The following CSF2RB variants were observed in gnomAD, a reference collection of about 807,000 sequenced individuals.
CSF2RB encodes the protein colony stimulating factor 2 receptor subunit beta.
A neutral mutation model predicts 67.2 loss-of-function variants in CSF2RB; 22 were observed. That is an observed-to-expected ratio of 0.33 (90% CI 0.23 to 0.47). CSF2RB has a LOEUF of 0.47. Ranked by LOEUF, CSF2RB falls within the 20% of genes least tolerant of loss-of-function variation. The pLI is 1.00. For synonymous variants in CSF2RB, 507 were observed against 482.9 expected, an observed-to-expected ratio of 1.05 and a Z score of -0.65; for missense variants, 1,113 against 1,174.5, an observed-to-expected ratio of 0.95 and a Z score of 0.76.
intron 3 of CSF2RB, chr22:36,923,879 G>T: frequency 1.0e-6 from 1 of 980,078 alleles, no homozygotes; most frequent in Non-Finnish European, 1.4e-6. Context: ...GGACGTGTCT[G>T]GGAGGGGGCT....
intron 9 of CSF2RB, 28 bp from the exon 10 acceptor site, chr22:36,933,804 A>C: frequency 6.3e-7 from 1 of 1,595,476 alleles, no homozygotes; most frequent in African/African-American, 1.3e-5. Flanking sequence ...GCACCGGGCC[A>C]GGCCTCACCC....
At position 36,937,582 on chromosome 22, in the gene CSF2RB, C is replaced by T. The variant is rs1473336606; in HGVS notation, c.1774C>T (p.Pro592Ser). ...GGCTTCCAGCTTTGACTTCAATGGG[C>T]CCTACCTGGGGCCGCCCCACAGCCG... ...KQASSFDFNG[P>S]YLGPPHSRSL... The change falls in exon 14 of 14, where the codon CCC becomes TCC. Residue 592 changes from proline (P) to serine (S), a missense_variant. By Grantham distance (74) the Pro-to-Ser change is moderately conservative (BLOSUM62 -1). Transcript: ENST00000403662. This position sits in a 1 kb window ranked among gnomAD's most constrained non-coding sequence, Gnocchi z 4.6. 6.2e-7 allele frequency: 1 copy of T among 1,605,332 alleles called. No homozygotes were observed. Among genetic ancestry groups the T allele is most frequent in the African/African-American group, 1.3e-5 (1 of 74,738 alleles).
At chr22:36,930,128 A>G (rs1941116385) in intron 6 of CSF2RB, among the ~76,000 whole-genome samples, 1 of 152,190 alleles carries the variant, frequency 6.6e-6, no homozygotes, top group Non-Finnish European at 1.5e-5. Context: ...TTTTCAGTTC[A>G]ATCCCCAAAC....
chr22:36,919,942 G>A (rs922019269), intron 1 of CSF2RB, among the ~76,000 whole-genome samples: 9 of 152,158 alleles, frequency 5.9e-5, no homozygotes, highest in South Asian at 2.1e-4. Context: ...TGACATTTGG[G>A]AAACTGAATC....
chr22:36,928,542 TTTTCG>T (rs745812241), intron 4 of CSF2RB, among the ~76,000 whole-genome samples: 99 of 152,232 alleles, frequency 6.5e-4, no homozygotes, highest in Admixed American at 2.4e-3. Context: ...TGTGAGGATG[TTTTCG>T]TTTGAAAGCC....
intron 3 of CSF2RB, chr22:36,923,731 T>A (rs1428401868): frequency 1.5e-6 from 2 of 1,307,026 alleles, no homozygotes; most frequent in Non-Finnish European, 2.0e-6. Flanking sequence ...AAGCCCCAGC[T>A]GTGCCACTGC....
intron 1 of CSF2RB, among the ~76,000 whole-genome samples, chr22:36,919,032 A>G (rs901134882): frequency 1.3e-5 from 2 of 152,194 alleles, no homozygotes; most frequent in African/African-American, 4.8e-5. Context: ...GACATACACA[A>G]TGTTTCTATT....
rs376449769 is a variant in CSF2RB, at chr22:36,923,267, C to T, written c.100C>T (p.Arg34Cys). The T allele has an allele frequency of 2.0e-5, 32 of 1,614,042 alleles. No individual in the cohort carries two copies. Among genetic ancestry groups the T allele is most frequent in the African/African-American group, 8.0e-5 (6 of 74,924 alleles). ...AEETIPLQTL[R>C]CYNDYTSHIT... ...AGAAACCATCCCGCTGCAGACCCTG[C>T]GCTGCTACAACGACTACACCAGCCA... Residue 34 changes from arginine (R) to cysteine (C), a missense_variant, in exon 3 of 14, where the codon CGC (arginine) becomes TGC (cysteine). By Grantham distance (180) the Arg-to-Cys change is radical (BLOSUM62 -3). Transcript: ENST00000403662.
At chr22:36,925,649 C>T (rs1473517522) in intron 3 of CSF2RB, among the ~76,000 whole-genome samples, 3 of 152,208 alleles carry the variant, frequency 2.0e-5, no homozygotes, top group African/African-American at 7.2e-5. Context: ...GTCCCTCCCT[C>T]AATGCCTTTA....
chr22:36,918,137 A>T (rs4821562), intron 1 of CSF2RB, among the ~76,000 whole-genome samples: 98,084 of 151,430 alleles, frequency 0.65, 32,758 homozygotes, highest in East Asian at 0.94. Flanking sequence ...TAAGTGTTAC[A>T]GGTTTATTTA....
chr22:36,923,969 G>T (rs1467252004), intron 3 of CSF2RB, among the ~76,000 whole-genome samples: 1 of 152,138 alleles, frequency 6.6e-6, no homozygotes, highest in Non-Finnish European at 1.5e-5. Flanking sequence ...TGCCACAAGG[G>T]AAGGGGACCA....
chr22:36,921,866 G>A (rs1265427438), intron 1 of CSF2RB, among the ~76,000 whole-genome samples, 170 bp from the exon 2 acceptor site: 2 of 152,172 alleles, frequency 1.3e-5, no homozygotes, highest in Admixed American at 6.5e-5. Flanking sequence ...GATCCAAGTG[G>A]GGACCCAGTC....
chr22:36,914,058 T>C (rs1166944587), intron 1 of CSF2RB, among the ~76,000 whole-genome samples: 1 of 152,014 alleles, frequency 6.6e-6, no homozygotes, highest in Non-Finnish European at 1.5e-5. Context: ...CTGGTGGTAG[T>C]GAGAGCACCC....
chr22:36,938,678 C>T lies in CSF2RB; in HGVS notation c.*176C>T. On this transcript the variant is annotated 3_prime_UTR_variant, in exon 14 of 14. Transcript: ENST00000403662. Reference sequence around the variant, plus strand: ...TGACCTTCAGCAAATCACTTCTCTCCCTGCGCTCACACAGACACACACACA... The same window carrying T: ...TGACCTTCAGCAAATCACTTCTCTCTCTGCGCTCACACAGACACACACACA... 1 of 632,214 alleles carries T rather than the reference C, an allele frequency of 1.6e-6. No homozygotes were observed. Among genetic ancestry groups the T allele is most frequent in the Non-Finnish European group, 2.7e-6 (1 of 367,518 alleles). 39.2% of individuals were successfully genotyped at this position (632,214 alleles called of 1,614,324 possible).
chr22:36,925,378 A>G (rs575793313), intron 3 of CSF2RB, among the ~76,000 whole-genome samples: 3 of 152,250 alleles, frequency 2.0e-5, no homozygotes, highest in South Asian at 2.1e-4. Flanking sequence ...ACCTCAGTCT[A>G]TTCGCAACCG....
rs900313802 is a variant in CSF2RB at position 36,938,636 on chromosome 22, C to A, written c.*134C>A. The A allele has an allele frequency of 2.1e-6, 2 of 956,712 alleles. No individual in the cohort carries two copies. Among genetic ancestry groups the A allele is most frequent in the Non-Finnish European group, 3.0e-6 (2 of 660,042 alleles). The allele number at this position is 956,712 out of a possible 1,614,324, so 59.3% of individuals were successfully genotyped here. On this transcript the variant is annotated 3_prime_UTR_variant, in exon 14 of 14. Coordinates refer to ENST00000403662, the MANE Select transcript of CSF2RB (RefSeq NM_000395.3). ...GCTAGAGGCCTGGGAAAGGAGATAG[C>A]CTTGCTCCGGCCCCCTTGACCTTCA...
Position 36,935,664 on chromosome 22 carries a change from C to A in CSF2RB, c.1441C>A (p.Pro481Thr). 6.2e-7 allele frequency: 1 copy of A among 1,614,186 alleles called. No individual in the cohort carries two copies. Among genetic ancestry groups the A allele is most frequent in the Non-Finnish European group, 8.5e-7 (1 of 1,180,032 alleles). ...RRKWEEKIPN[P>T]SKSHLFQNGS... Reference sequence around the variant, plus strand: ...AAAGTGGGAGGAGAAGATCCCCAACCCCAGCAAGAGCCACCTGTTCCAGGT... The same window carrying A: ...AAAGTGGGAGGAGAAGATCCCCAACACCAGCAAGAGCCACCTGTTCCAGGT... Residue 481 changes from proline to threonine, a missense_variant, in exon 12 of 14, where the codon CCC becomes ACC. By Grantham distance (38) the Pro-to-Thr change is conservative. Coordinates refer to ENST00000403662, the MANE Select transcript of CSF2RB (RefSeq NM_000395.3).
chr22:36,938,283 C>T lies in CSF2RB; in HGVS notation c.2475C>T (p.Leu825=). 6.2e-7 allele frequency: 1 copy of T among 1,614,206 alleles called. No homozygotes were observed. Among genetic ancestry groups the T allele is most frequent in the South Asian group, 1.1e-5 (1 of 91,084 alleles). The change falls in exon 14 of 14, where the codon CTC becomes CTT. Residue 825 remains leucine, a synonymous_variant. Transcript: ENST00000403662. The stretch of plus-strand genomic sequence containing the variant: ...AGCAAGTGGGCGACTATTGCTTCCT[C>T]CCCGGCCTGGGGCCCGGCCCTCTCT... ...VLQQVGDYCF[L]PGLGPGPLSL... is the part of the protein sequence containing the mutation.
At position 36,937,946 on chromosome 22, in the gene CSF2RB, C is replaced by G; in HGVS notation, c.2138C>G (p.Ser713Cys). 1 of 1,614,168 alleles carries G rather than the reference C, an allele frequency of 6.2e-7. No individual in the cohort carries two copies. The highest frequency in any genetic ancestry group is 8.5e-7 in the Non-Finnish European group (1 of 1,180,016). ...CCTGGAGTGGCCTCTGGTTATGTCT[C>G]CTCTGCAGACCTGGTATTCACCCCA... ...EDPGVASGYVSSADLVFTPNS... is the reference protein window; with the variant it reads ...EDPGVASGYVCSADLVFTPNS... The change falls in exon 14 of 14, where the codon TCC becomes TGC. Residue 713 changes from serine to cysteine, a missense_variant. By Grantham distance (112) the Ser-to-Cys change is moderately radical. This residue lies in a region of CSF2RB where 554 missense variants were observed against 517.9 expected (regional missense o/e 1.07). Coordinates refer to ENST00000403662, the MANE Select transcript of CSF2RB (RefSeq NM_000395.3). This position sits in a 1 kb window ranked among gnomAD's most constrained non-coding sequence, Gnocchi z 4.6.
Sources: gnomAD v4.1 joint callset for allele counts (sites outside exome capture counted in the v4.1 genomes callset) on GRCh38, gnomAD v4.1.1 for gene constraint, gnomAD v4.1.1 regional missense constraint, Gnocchi (gnomAD v3.1) non-coding constraint, MANE v1.5 for transcripts, NCBI Gene and HGNC (gene_info 2026-07-23, HGNC 2026-07-21) for gene names.